Variants in ZNF503 observed in about 807,000 individuals in gnomAD.
ZNF503 encodes zinc finger protein 503, also known as NocA-like zinc finger 2.
In ZNF503, 15 loss-of-function variants were observed where a neutral mutation model predicts 34.4. The observed-to-expected ratio is 0.44, with a 90% CI of 0.29 to 0.67. The LOEUF (loss-of-function observed/expected upper bound fraction) is 0.67, where lower values mean the gene tolerates loss of function less well. ZNF503 is among the 30% of genes least tolerant of loss of function. ZNF503 has a pLI of 0.13. For synonymous variants in ZNF503, 580 were observed against 456.8 expected (o/e 1.27, Z -3.44); for missense variants, 1,007 against 926.8 (o/e 1.09, Z -1.12).
the ZNF503 span, among the ~76,000 whole-genome samples, chr10:75,344,276 T>C: frequency 6.6e-6 from 1 of 152,232 alleles, no homozygotes; most frequent in Admixed American, 6.5e-5. Flanking sequence ...TTGAGATGAC[T>C]GTCAGAGCAA....
chr10:75,376,541 G>C, the ZNF503 span, among the ~76,000 whole-genome samples: 2 of 152,168 alleles, frequency 1.3e-5, no homozygotes, highest in African/African-American at 4.8e-5. Context: ...CTAGTTAGGA[G>C]GCTGAGGCAT....
At chr10:75,357,661 G>GTAAATTCTC in the ZNF503 span, among the ~76,000 whole-genome samples, 602 of 152,342 alleles carry the variant, frequency 4.0e-3, 2 homozygotes, top group Non-Finnish European at 5.7e-3. Flanking sequence ...AATGAGGAAA[G>GTAAATTCTC]TAATTTCTCT....
chr10:75,379,568 A>G, the ZNF503 span, among the ~76,000 whole-genome samples: 1 of 152,220 alleles, frequency 6.6e-6, no homozygotes, highest in African/African-American at 2.4e-5. Context: ...GGATTTTAGC[A>G]GTTCTGCCCA....
At chr10:75,372,523 T>G in the ZNF503 span, among the ~76,000 whole-genome samples, 1 of 152,210 alleles carries the variant, frequency 6.6e-6, no homozygotes, top group Non-Finnish European at 1.5e-5. Flanking sequence ...CCTGCCTGAC[T>G]CAATGAACGA....
chr10:75,293,667 G>A, the ZNF503 span, among the ~76,000 whole-genome samples: 24 of 151,720 alleles, frequency 1.6e-4, no homozygotes, highest in African/African-American at 5.3e-4. Flanking sequence ...GTGTGTGTGC[G>A]CATGTGTGTG....
At chr10:75,305,379 G>A in the ZNF503 span, among the ~76,000 whole-genome samples, 1 of 146,318 alleles carries the variant, frequency 6.8e-6, no homozygotes, top group African/African-American at 2.8e-5. Context: ...CAAATAAGAA[G>A]TGTAACATAC....
the ZNF503 span, among the ~76,000 whole-genome samples, chr10:75,342,265 C>T: frequency 2.0e-5 from 3 of 152,114 alleles, no homozygotes; most frequent in Admixed American, 6.5e-5. Context: ...TCCAGACAGA[C>T]GCGGTCACAC....
chr10:75,343,472 A>G, the ZNF503 span: 2 of 152,230 alleles, frequency 1.3e-5, no homozygotes, highest in Non-Finnish European at 1.5e-5. Context: ...CTAAGCCCGT[A>G]TTTCCCATCT....
chr10:75,384,192 GA>G, the ZNF503 span, among the ~76,000 whole-genome samples: 1 of 152,034 alleles, frequency 6.6e-6, no homozygotes, highest in Non-Finnish European at 1.5e-5. Flanking sequence ...TGAGAACACT[GA>G]GGGCCCTGGA....
the ZNF503 span, among the ~76,000 whole-genome samples, chr10:75,337,001 G>A: frequency 8.5e-5 from 13 of 152,288 alleles, no homozygotes; most frequent in African/African-American, 3.1e-4. Flanking sequence ...TCTATCTTAA[G>A]GTCAACTGAC....
Position 75,399,955 on chromosome 10 carries a change from G to A in ZNF503, c.735C>T (p.Ala245=), listed in dbSNP as rs765202290. 22 of 1,606,158 alleles carry A rather than the reference G, an allele frequency of 1.4e-5. No homozygotes were observed. Among genetic ancestry groups the A allele is most frequent in the Non-Finnish European group, 1.8e-5 (21 of 1,179,450 alleles). The change falls in exon 2 of 2, where the codon GCC becomes GCT. Residue 245 remains alanine (A), a synonymous_variant. Transcript: ENST00000372524. Reference sequence around the variant, plus strand: ...CGTCCTTGCCCTCCGGGGCACCCCCGGCCGAGGACAGCATACCTCCCGGCG... The same window carrying A: ...CGTCCTTGCCCTCCGGGGCACCCCCAGCCGAGGACAGCATACCTCCCGGCG... ...ACSPGGMLSS[A]GGAPEGKDDK...
At chr10:75,391,393 G>A in the ZNF503 span, among the ~76,000 whole-genome samples, 3 of 152,200 alleles carry the variant, frequency 2.0e-5, no homozygotes, top group Non-Finnish European at 2.9e-5. Flanking sequence ...CGGACTCAGA[G>A]ATGACGTAAG....
chr10:75,361,224 G>A, the ZNF503 span: 1 of 152,150 alleles, frequency 6.6e-6, no homozygotes, highest in Non-Finnish European at 1.5e-5. Context: ...GAATCATAAA[G>A]GTACTTTCCT....
the ZNF503 span, among the ~76,000 whole-genome samples, chr10:75,344,778 C>T: frequency 3.3e-5 from 5 of 152,334 alleles, no homozygotes; most frequent in East Asian, 1.9e-4. Context: ...TTGGTGCCAG[C>T]GTCATTGCAG....
chr10:75,334,591 C>G, the ZNF503 span, among the ~76,000 whole-genome samples: 1 of 152,166 alleles, frequency 6.6e-6, no homozygotes, highest in Non-Finnish European at 1.5e-5. Context: ...CATCTTGGAT[C>G]GGGCTGGTTT....
At chr10:75,381,310 A>G in the ZNF503 span, among the ~76,000 whole-genome samples, 1 of 152,076 alleles carries the variant, frequency 6.6e-6, no homozygotes, top group African/African-American at 2.4e-5. Context: ...TGCAGCCTCA[A>G]CCTCCCAGGA....
chr10:75,362,224 C>G, the ZNF503 span, among the ~76,000 whole-genome samples: 1 of 151,890 alleles, frequency 6.6e-6, no homozygotes, highest in Non-Finnish European at 1.5e-5. Flanking sequence ...TTCATATTGT[C>G]TGAGTAGCTT....
chr10:75,341,977 G>T, the ZNF503 span, among the ~76,000 whole-genome samples: 1 of 152,142 alleles, frequency 6.6e-6, no homozygotes. Flanking sequence ...CTTATTTCTT[G>T]GTTGTCTTGC....
the ZNF503 span, among the ~76,000 whole-genome samples, chr10:75,348,094 G>T: frequency 6.7e-6 from 1 of 150,302 alleles, no homozygotes; most frequent in African/African-American, 2.5e-5. Flanking sequence ...AGACAGTCTT[G>T]CTCTATCATC....
Sources: gnomAD v4.1 joint callset for allele counts (sites outside exome capture counted in the v4.1 genomes callset) on GRCh38, gnomAD v4.1.1 for gene constraint, MANE v1.5 for transcripts, NCBI Gene and HGNC (gene_info 2026-07-23, HGNC 2026-07-21) for gene names.